NUP210L: variants seen among roughly 807,000 people sequenced by gnomAD.
NUP210L encodes nuclear pore membrane glycoprotein 210-like.
A neutral mutation model predicts 208.5 loss-of-function variants in NUP210L; 74 were observed. That is an observed-to-expected ratio of 0.35 (90% CI 0.29 to 0.43). The LOEUF (loss-of-function observed/expected upper bound fraction) is 0.43, where lower values mean the gene tolerates loss of function less well. NUP210L is among the 20% of genes least tolerant of loss of function. NUP210L has a pLI of 1.00. For synonymous variants in NUP210L, 780 were observed against 816.9 expected, an observed-to-expected ratio of 0.95 and a Z score of 0.77; for missense variants, 1,843 against 2,289.4, an observed-to-expected ratio of 0.81 and a Z score of 3.98.
intron 25 of NUP210L, among the ~76,000 whole-genome samples, chr1:154,047,928 C>T (rs979169397): frequency 1.3e-5 from 2 of 152,136 alleles, no homozygotes; most frequent in Middle Eastern, 3.2e-3. Context: ...TGGAACTAAG[C>T]TGGAGGACAC....
chr1:154,134,841 G>A (rs573268756), intron 7 of NUP210L, among the ~76,000 whole-genome samples: 3 of 148,678 alleles, frequency 2.0e-5, no homozygotes, highest in South Asian at 2.2e-4. Flanking sequence ...GGGTTCAAGC[G>A]ATTCTCCTGC....
chr1:154,088,415 G>T (rs551901176), intron 16 of NUP210L, among the ~76,000 whole-genome samples: 14 of 151,922 alleles, frequency 9.2e-5, no homozygotes, highest in South Asian at 4.2e-4. Context: ...AAATAGTTCA[G>T]GGAAAAAAGT....
chr1:154,007,269 ATAT>A (rs944711077), intron 35 of NUP210L, among the ~76,000 whole-genome samples: 22 of 97,054 alleles, frequency 2.3e-4, no homozygotes, highest in Admixed American at 6.3e-4. Flanking sequence ...GCTTATATAT[ATAT>A]TTTTTTTGAG....
chr1:154,080,850 T>TG (rs900589999), intron 16 of NUP210L, among the ~76,000 whole-genome samples: 1 of 151,846 alleles, frequency 6.6e-6, no homozygotes, highest in African/African-American at 2.4e-5. Flanking sequence ...CATGTGCTCT[T>TG]GGATTCCCAG....
intron 15 of NUP210L, among the ~76,000 whole-genome samples, chr1:154,092,463 G>T (rs200783731): frequency 6.6e-6 from 1 of 151,008 alleles, no homozygotes; most frequent in African/African-American, 2.4e-5. Context: ...TCTGCCTCCC[G>T]GGTTCAAGCA....
chr1:154,148,162 G>A (rs1659213061), intron 2 of NUP210L, among the ~76,000 whole-genome samples: 1 of 151,550 alleles, frequency 6.6e-6, no homozygotes, highest in African/African-American at 2.4e-5. Flanking sequence ...AGCTACTCAG[G>A]AGGCTGAGGC....
At chr1:154,095,027 C>T in exon 15 of NUP210L, 1 of 1,614,170 alleles carries the variant, frequency 6.2e-7, no homozygotes, top group Non-Finnish European at 8.5e-7. Context: ...CCAATCTTCT[C>T]TGTCTTCTCC....
chr1:154,078,397 C>A (rs769423751), intron 16 of NUP210L, among the ~76,000 whole-genome samples: 15 of 151,892 alleles, frequency 9.9e-5, no homozygotes, highest in Non-Finnish European at 1.3e-4. Context: ...GAGTTCAAGA[C>A]CAGCCTGGCC....
Position 154,122,518 on chromosome 1 carries a change from T to C in NUP210L, c.1327-3710A>G, listed in dbSNP as rs923358590. Among the ~76,000 whole-genome samples the C allele has an allele frequency of 5.9e-5, 9 of 152,106 alleles. 1 individual carries two copies. Among genetic ancestry groups the C allele is most frequent in the East Asian group, 3.9e-4 (2 of 5,172 alleles). On this transcript the variant is annotated intron_variant, in intron 10 of 39. Transcript: ENST00000368559. Reference sequence around the variant, plus strand: ...AAAAATACAAAAAATTAGCCGGGCATGGTGGCAGGCGCCTGTAGTCCCAGC... The same window carrying C: ...AAAAATACAAAAAATTAGCCGGGCACGGTGGCAGGCGCCTGTAGTCCCAGC...
At chr1:154,038,337 CTTT>C (rs993828789) in intron 27 of NUP210L, among the ~76,000 whole-genome samples, 1 of 134,650 alleles carries the variant, frequency 7.4e-6, no homozygotes, top group Non-Finnish European at 1.6e-5. Context: ...TTTTCTTTTT[CTTT>C]TTTTTTTTTT....
chr1:154,042,650 G>T (rs1652947894), intron 27 of NUP210L, among the ~76,000 whole-genome samples: 1 of 150,918 alleles, frequency 6.6e-6, no homozygotes, highest in African/African-American at 2.4e-5. Context: ...GGATGGTCTT[G>T]ATCTCCTGAC....
chr1:154,081,622 T>C (rs1043523521), intron 16 of NUP210L, among the ~76,000 whole-genome samples: 1 of 152,208 alleles, frequency 6.6e-6, no homozygotes, highest in South Asian at 2.1e-4. Context: ...TGGAGTTTAA[T>C]CACGTGGCCA....
intron 8 of NUP210L, 82 bp from the exon 9 acceptor site, chr1:154,127,499 G>C (rs1346181829): frequency 3.4e-6 from 2 of 594,822 alleles, no homozygotes; most frequent in East Asian, 6.5e-5. Context: ...CCTTTATAAA[G>C]CTGTTCAAAC....
intron 38 of NUP210L, among the ~76,000 whole-genome samples, chr1:153,993,750 TAGAC>T (rs1009186753): frequency 2.4e-4 from 36 of 151,998 alleles, no homozygotes; most frequent in East Asian, 9.7e-4. Context: ...AATAAAAAAT[TAGAC>T]AGGTGTGGTG....
intron 27 of NUP210L, among the ~76,000 whole-genome samples, chr1:154,043,319 CTT>C (rs963286051): frequency 6.9e-6 from 1 of 144,028 alleles, no homozygotes; most frequent in Non-Finnish European, 1.5e-5. Flanking sequence ...TGCACTCCGC[CTT>C]TTTTTTTTTT....
chr1:154,079,593 A>G (rs556725943), intron 16 of NUP210L: 2 of 152,306 alleles, frequency 1.3e-5, no homozygotes, highest in East Asian at 3.9e-4. Flanking sequence ...TCTACCTAGC[A>G]TGTGAATGGG....
chr1:154,115,977 C>G (rs1331808249), intron 12 of NUP210L, among the ~76,000 whole-genome samples: 1 of 151,754 alleles, frequency 6.6e-6, no homozygotes, highest in Non-Finnish European at 1.5e-5. Flanking sequence ...AAAATTAGGC[C>G]GGGCGCGGTG....
Position 154,012,384 on chromosome 1 carries a change from A to G in NUP210L, c.4654-14T>C. ...ATTGACCACCACCTGTCAGCAAATC[A>G]AAGGAAAATCTGCACCTAAGTTCCT... On this transcript the variant is annotated splice_polypyrimidine_tract_variant and intron_variant, in intron 33 of 39. Transcript: ENST00000368559. 2.5e-6 allele frequency: 4 copies of G among 1,608,580 alleles called. No individual in the cohort carries two copies. Among genetic ancestry groups the G allele is most frequent in the Non-Finnish European group, 2.5e-6 (3 of 1,178,324 alleles).
chr1:154,006,728 C>T (rs1445790914), intron 35 of NUP210L, among the ~76,000 whole-genome samples: 2 of 149,542 alleles, frequency 1.3e-5, no homozygotes, highest in South Asian at 2.1e-4. Context: ...CTCCTGACCT[C>T]GGGTGATCTG....
Sources: allele counts gnomAD v4.1 joint callset (sites outside exome capture counted in the v4.1 genomes callset), GRCh38; gene constraint gnomAD v4.1.1; transcripts MANE v1.5; gene names NCBI Gene and HGNC (gene_info 2026-07-23, HGNC 2026-07-21).